ICAM1: variants seen among roughly 807,000 people sequenced by gnomAD.
The protein encoded by ICAM1 is intercellular adhesion molecule 1, also known as ICAM-1.
In ICAM1, 28 loss-of-function variants were observed where a neutral mutation model predicts 42.3. The observed-to-expected ratio is 0.66, with a 90% CI of 0.49 to 0.91. The LOEUF is 0.91. Among genes scored for constraint, ICAM1 ranks in the 40% least tolerant of loss-of-function variants. ICAM1 has a pLI of 0.00. For missense variants in ICAM1, 637 were observed against 688.6 expected (o/e 0.93, Z 0.84); for synonymous variants, 304 against 305.9 (o/e 0.99, Z 0.07).
chr19:10,275,701 CT>C (rs1245872702), intron 2 of ICAM1, among the ~76,000 whole-genome samples: 1 of 130,884 alleles, frequency 7.6e-6, no homozygotes, highest in Non-Finnish European at 1.6e-5. Flanking sequence ...GACCCTGTTT[CT>C]TTCTTTTTTT....
chr19:10,278,097 T>G (rs943379494), intron 2 of ICAM1, among the ~76,000 whole-genome samples: 1 of 152,102 alleles, frequency 6.6e-6, no homozygotes, highest in African/African-American at 2.4e-5. Flanking sequence ...CTCAGGAGGC[T>G]GAGGTGGGAG....
rs555453841 is a variant in ICAM1, at chr19:10,273,138, C to T, written c.68-1627C>T. Among the ~76,000 whole-genome samples, 4 of 152,162 alleles carry T rather than the reference C, an allele frequency of 2.6e-5. No homozygotes were observed. In the East Asian group the frequency reaches 5.8e-4, roughly 22 times the overall value. On this transcript the variant is annotated intron_variant, in intron 1 of 6. Transcript: ENST00000264832. ...TTTTGGGAGGCTTAGGCGGGAGGAT[C>T]ACTTGAGGCCAGGAGTTTGAGACCA...
At position 10,285,371 on chromosome 19, in the gene ICAM1, C is replaced by A; in HGVS notation, c.*84C>A. On this transcript the variant is annotated 3_prime_UTR_variant, in exon 7 of 7. Coordinates refer to ENST00000264832, the MANE Select transcript of ICAM1 (RefSeq NM_000201.3). Reference sequence around the variant, plus strand: ...CACTGAACAGAGTGGAAGACATATGCCATGCAGCTACACCTACCGGCCCTG... The same window carrying A: ...CACTGAACAGAGTGGAAGACATATGACATGCAGCTACACCTACCGGCCCTG... 7.4e-7 allele frequency: 1 copy of A among 1,349,214 alleles called. No homozygotes were observed. The highest frequency in any genetic ancestry group is 1.0e-6 in the Non-Finnish European group (1 of 969,978). 83.6% of individuals were successfully genotyped at this position (1,349,214 alleles called of 1,614,324 possible).
At chr19:10,273,220 C>T (rs556764523) in intron 1 of ICAM1, among the ~76,000 whole-genome samples, 46 of 152,112 alleles carry the variant, frequency 3.0e-4, no homozygotes, top group African/African-American at 6.7e-4. Context: ...GGGCCAGGCG[C>T]GGTGGCTCAC....
At chr19:10,272,007 C>T (rs551790588) in intron 1 of ICAM1, among the ~76,000 whole-genome samples, 1 of 152,240 alleles carries the variant, frequency 6.6e-6, no homozygotes, top group African/African-American at 2.4e-5. Context: ...GAGATCCAGG[C>T]CAGCACGGTA....
chr19:10,284,863 G>C lies in ICAM1; in HGVS notation c.1261G>C (p.Ala421Pro). Residue 421 changes from alanine (A) to proline (P), a missense_variant, in exon 6 of 7, where the codon GCT (alanine) becomes CCT (proline). Coordinates refer to ENST00000264832, the MANE Select transcript of ICAM1 (RefSeq NM_000201.3). The surrounding 1 kb of genome is among the most constrained non-coding windows in gnomAD (Gnocchi z 5.4). ...TTCCCAGCAGACTCCAATGTGCCAG[G>C]CTTGGGGGAACCCATTGCCCGAGCT... The part of the protein sequence containing the change: ...ENSQQTPMCQ[A>P]WGNPLPELKC... 6.3e-7 allele frequency: 1 copy of C among 1,596,408 alleles called. No individual in the cohort carries two copies. The highest frequency in any genetic ancestry group is 8.5e-7 in the Non-Finnish European group (1 of 1,174,072).
rs2039977751 is a variant in ICAM1 at position 10,271,225 on chromosome 19, A to C, written c.66A>C (p.Pro22=). 6.2e-7 allele frequency: 1 copy of C among 1,612,826 alleles called. No individual in the cohort carries two copies. The highest frequency in any genetic ancestry group is 8.5e-7 in the Non-Finnish European group (1 of 1,179,574). ...ALLVLLGALF[P]GPGNAQTSVS... ...TGGTCCTGCTCGGGGCTCTGTTCCCAGGTGAGTCGGGGTGGGGATTGCCGT... is the reference window on the plus strand; with the variant it reads ...TGGTCCTGCTCGGGGCTCTGTTCCCCGGTGAGTCGGGGTGGGGATTGCCGT... The change falls in exon 1 of 7, where the codon CCA becomes CCC. Residue 22 remains proline (P), a splice_region_variant and synonymous_variant. Transcript: ENST00000264832.
Position 10,275,856 on chromosome 19 carries a change from T to C in ICAM1, c.331+828T>C, listed in dbSNP as rs530496864. Among the ~76,000 whole-genome samples the C allele has an allele frequency of 1.2e-4, 18 of 151,638 alleles. No homozygotes were observed. The South Asian group carries it at 1.9e-3, about 16-fold the overall frequency. ...CCGAGTAGCTGGGACTACAGGCGCC[T>C]GCCACCATGCCCGGCTCATTTTTTT... is the stretch of plus-strand genomic sequence containing the variant. On this transcript the variant is annotated intron_variant, in intron 2 of 6. Transcript: ENST00000264832.
At chr19:10,274,465 C>T (rs549919888) in intron 1 of ICAM1, among the ~76,000 whole-genome samples, 5 of 152,140 alleles carry the variant, frequency 3.3e-5, no homozygotes, top group African/African-American at 1.2e-4. Context: ...CAGGCACGTC[C>T]CACCATGCCC....
intron 2 of ICAM1, 106 bp from the exon 3 acceptor site, chr19:10,283,375 T>G: frequency 1.8e-6 from 2 of 1,109,174 alleles, no homozygotes; most frequent in Non-Finnish European, 2.6e-6. Context: ...TGGGCGTGTT[T>G]GGGGGAGATA....
intron 2 of ICAM1, among the ~76,000 whole-genome samples, chr19:10,277,380 A>G (rs918888733): frequency 4.6e-5 from 7 of 152,014 alleles, no homozygotes; most frequent in Non-Finnish European, 5.9e-5. Context: ...GGGTTTCTCC[A>G]TGTTGGTCAG....
chr19:10,283,775 T>C lies in ICAM1; in HGVS notation c.626T>C (p.Leu209Pro). 2 of 1,602,986 alleles carry C rather than the reference T, an allele frequency of 1.2e-6. No homozygotes were observed. The highest frequency in any genetic ancestry group is 1.7e-6 in the Non-Finnish European group (2 of 1,174,482). The change falls in exon 3 of 7, where the codon CTC becomes CCC. Residue 209 changes from leucine to proline, a missense_variant. Leu to Pro is a moderately conservative substitution (Grantham distance 98). Transcript: ENST00000264832. Reference sequence around the variant, plus strand: ...GAGAACACCTCGGCCCCCTACCAGCTCCAGACCTTTGGTGAGGATTGAAGA... The same window carrying C: ...GAGAACACCTCGGCCCCCTACCAGCCCCAGACCTTTGGTGAGGATTGAAGA... The part of the protein sequence containing the change: ...LFENTSAPYQ[L>P]QTFVLPATPP...
chr19:10,274,801 A>C lies in ICAM1; in HGVS notation c.104A>C (p.Lys35Thr), dbSNP rs1214959993. The change falls in exon 2 of 7, where the codon AAA becomes ACA. Residue 35 changes from lysine to threonine, a missense_variant. By Grantham distance (78) the Lys-to-Thr change is moderately conservative. Transcript: ENST00000264832. Reference sequence around the variant, plus strand: ...GCCCAGACATCTGTGTCCCCCTCAAAAGTCATCCTGCCCCGGGGAGGCTCC... The same window carrying C: ...GCCCAGACATCTGTGTCCCCCTCAACAGTCATCCTGCCCCGGGGAGGCTCC... Reference protein sequence around the residue: ...GNAQTSVSPSKVILPRGGSVL... With the variant: ...GNAQTSVSPSTVILPRGGSVL... 1.2e-6 allele frequency: 2 copies of C among 1,613,888 alleles called. No individual in the cohort carries two copies. Among genetic ancestry groups the C allele is most frequent in the South Asian group, 2.2e-5 (2 of 91,080 alleles).
intron 1 of ICAM1, 56 bp downstream of exon 1, chr19:10,271,282 G>A (rs2039978506): frequency 6.7e-7 from 1 of 1,500,932 alleles, no homozygotes; most frequent in Non-Finnish European, 9.2e-7. Context: ...CGGGAGGACC[G>A]GCTCCCGGGT....
intron 2 of ICAM1, among the ~76,000 whole-genome samples, chr19:10,280,970 T>A (rs1476318271): frequency 1.4e-5 from 2 of 145,078 alleles, no homozygotes; most frequent in Non-Finnish European, 3.0e-5. Flanking sequence ...GCCTCCCGGG[T>A]TCACTCCATC....
In ICAM1 at chr19:10,285,328, T is replaced by G; in HGVS notation, c.*41T>G. Reference sequence around the variant, plus strand: ...GGGCCTCTTCCTCGGCCTTCCCATATTGGTGGCAGTGGTGCCACACTGAAC... The same window carrying G: ...GGGCCTCTTCCTCGGCCTTCCCATAGTGGTGGCAGTGGTGCCACACTGAAC... On this transcript the variant is annotated 3_prime_UTR_variant, in exon 7 of 7. Coordinates refer to ENST00000264832, the MANE Select transcript of ICAM1 (RefSeq NM_000201.3). 6.3e-7 allele frequency: 1 copy of G among 1,587,242 alleles called. No individual in the cohort carries two copies. Among genetic ancestry groups the G allele is most frequent in the Non-Finnish European group, 8.6e-7 (1 of 1,160,848 alleles).
At position 10,274,722 on chromosome 19, in the gene ICAM1, C is replaced by A. The variant is rs375305125; in HGVS notation, c.68-43C>A. On this transcript the variant is annotated intron_variant, in intron 1 of 6. Transcript: ENST00000264832. ...GCTGGGCGCACATTCCCTTGATGAACCTGATTTGTAATGCCTGTCGCCTCT... is the reference window on the plus strand; with the variant it reads ...GCTGGGCGCACATTCCCTTGATGAAACTGATTTGTAATGCCTGTCGCCTCT... The A allele has an allele frequency of 5.0e-6, 8 of 1,593,860 alleles. No individual in the cohort carries two copies. In the African/African-American group the frequency reaches 8.1e-5, roughly 16 times the overall value.
chr19:10,282,702 G>T (rs12459133), intron 2 of ICAM1, among the ~76,000 whole-genome samples: 245 of 103,196 alleles, frequency 2.4e-3, no homozygotes, highest in Middle Eastern at 9.8e-3. Flanking sequence ...TTTTTTTTTT[G>T]TTTTGTTTTG....
At chr19:10,281,562 T>C (rs1450969515) in intron 2 of ICAM1, among the ~76,000 whole-genome samples, 1 of 152,166 alleles carries the variant, frequency 6.6e-6, no homozygotes, top group Non-Finnish European at 1.5e-5. Context: ...AACCTCCTGC[T>C]TATGTACAGC....
Sources: allele counts gnomAD v4.1 joint callset (sites outside exome capture counted in the v4.1 genomes callset), GRCh38; gene constraint gnomAD v4.1.1; non-coding constraint Gnocchi (gnomAD v3.1); transcripts MANE v1.5; gene names NCBI Gene and HGNC (gene_info 2026-07-23, HGNC 2026-07-21).